Variants in GDA observed in about 807,000 individuals in gnomAD.
GDA encodes guanine deaminase.
In GDA, 18 loss-of-function variants were observed where a neutral mutation model predicts 59.6. The ratio of observed to expected loss-of-function variants is 0.30; its 90% confidence interval spans 0.21 to 0.45. The LOEUF (loss-of-function observed/expected upper bound fraction) is 0.45, where lower values mean the gene tolerates loss of function less well. Among genes scored for constraint, GDA ranks in the 20% least tolerant of loss-of-function variants. The probability of loss-of-function intolerance (pLI) is 1.00; values close to 1 mark genes in which losing one functional copy is unlikely to be tolerated. For missense variants in GDA, 427 were observed against 552.3 expected (o/e 0.77, Z 2.27); for synonymous variants, 201 against 201.1 (o/e 1.00, Z 0.00).
At chr9:72,194,578 AG>A (rs921918852) in intron 1 of GDA, among the ~76,000 whole-genome samples, 10 of 152,070 alleles carry the variant, frequency 6.6e-5, no homozygotes, top group Non-Finnish European at 1.3e-4. Context: ...GCCTGGAGTT[AG>A]GGGAGGGGTG....
At chr9:72,159,418 A>G (rs1239061847) in intron 1 of GDA, among the ~76,000 whole-genome samples, 1 of 152,136 alleles carries the variant, frequency 6.6e-6, no homozygotes, top group Non-Finnish European at 1.5e-5. Flanking sequence ...AGAAAAAAAA[A>G]TGAGTGATAG....
chr9:72,241,033 G>C (rs985446459), intron 10 of GDA, 119 bp from the exon 11 acceptor site: 8 of 600,012 alleles, frequency 1.3e-5, no homozygotes, highest in Non-Finnish European at 1.9e-5. Context: ...TTATAGTTAA[G>C]AGCTTTTTAA....
intron 1 of GDA, among the ~76,000 whole-genome samples, chr9:72,168,392 T>A (rs1829572914): frequency 1.4e-5 from 2 of 143,080 alleles, no homozygotes; most frequent in South Asian, 4.6e-4. Flanking sequence ...GACTTTGTCT[T>A]TTTTTTTTTT....
At chr9:72,169,760 T>A (rs532886392) in intron 1 of GDA, among the ~76,000 whole-genome samples, 1 of 152,326 alleles carries the variant, frequency 6.6e-6, no homozygotes, top group African/African-American at 2.4e-5. Flanking sequence ...GTCAATCTGA[T>A]AACAAACAAG....
intron 1 of GDA, among the ~76,000 whole-genome samples, chr9:72,131,298 G>A (rs546681448): frequency 1.5e-3 from 231 of 152,222 alleles, no homozygotes; most frequent in Middle Eastern, 3.4e-3. Context: ...AAATGGGCAC[G>A]GACACAGGGA....
At chr9:72,149,363 T>C, upstream of GDA, 1 of 559,786 alleles carries the variant, frequency 1.8e-6, no homozygotes, top group East Asian at 3.4e-5. Context: ...AAAAATCCTA[T>C]TGGCATTGAG....
chr9:72,151,617 T>G (rs1211710808), intron 1 of GDA, among the ~76,000 whole-genome samples: 2 of 150,902 alleles, frequency 1.3e-5, no homozygotes, highest in African/African-American at 4.9e-5. Context: ...TTTTTGTTTG[T>G]TTTTTTTTGA....
chr9:72,235,014 A>G (rs1320271140), intron 10 of GDA, among the ~76,000 whole-genome samples: 1 of 152,224 alleles, frequency 6.6e-6, no homozygotes, highest in African/African-American at 2.4e-5. Flanking sequence ...ACTTACTTGA[A>G]AATCTACATC....
In GDA at chr9:72,157,916, C is replaced by T. The variant is rs554586353; in HGVS notation, c.123+8234C>T. On this transcript the variant is annotated intron_variant, in intron 1 of 13. Transcript: ENST00000358399. ...ATGAGCCAAGGGATGTCTATCCATG[C>T]AAATTTCTCCCTGTTTTCCAGCACA... is the stretch of plus-strand genomic sequence containing the variant. Among the ~76,000 whole-genome samples the T allele has an allele frequency of 2.0e-5, 3 of 152,314 alleles. No homozygotes were observed. The South Asian group carries it at 6.2e-4, about 32-fold the overall frequency.
intron 1 of GDA, among the ~76,000 whole-genome samples, chr9:72,164,740 T>A (rs1205787699): frequency 6.6e-6 from 1 of 151,156 alleles, no homozygotes; most frequent in Non-Finnish European, 1.5e-5. Flanking sequence ...TCCCAGCACT[T>A]TGGGAGGCTG....
intron 9 of GDA, chr9:72,229,171 TAAA>T (rs34554102): frequency 7.6e-3 from 320 of 42,266 alleles, no homozygotes; most frequent in Middle Eastern, 0.026. Flanking sequence ...CAGTCTCTAC[TAAA>T]AAAAAAAAAA....
At position 72,149,542 on chromosome 9, in the gene GDA, C is replaced by T; in HGVS notation, c.-18C>T. On this transcript the variant is annotated 5_prime_UTR_variant, in exon 1 of 14. Coordinates refer to ENST00000358399, the MANE Select transcript of GDA (RefSeq NM_004293.5). ...GCCCTCCTCGACCAGCAGACCCGCGCTGCGCTCCGCCGCTGACATGTGTGC... is the reference window on the plus strand; with the variant it reads ...GCCCTCCTCGACCAGCAGACCCGCGTTGCGCTCCGCCGCTGACATGTGTGC... 2 of 1,607,892 alleles carry T rather than the reference C, an allele frequency of 1.2e-6. No homozygotes were observed. Among genetic ancestry groups the T allele is most frequent in the Non-Finnish European group, 1.7e-6 (2 of 1,178,482 alleles).
intron 10 of GDA, 95 bp downstream of exon 10, chr9:72,231,276 A>G: frequency 1.3e-6 from 1 of 763,832 alleles, no homozygotes; most frequent in Non-Finnish European, 2.3e-6. Flanking sequence ...CTGTTTAAAA[A>G]AAAAAAAAAT....
At chr9:72,143,745 A>T (rs1826525163) in intron 1 of GDA, among the ~76,000 whole-genome samples, 1 of 152,154 alleles carries the variant, frequency 6.6e-6, no homozygotes, top group Non-Finnish European at 1.5e-5. Flanking sequence ...TACTTTTCTC[A>T]TCTACAAACT....
chr9:72,190,572 A>G (rs1832411107), intron 1 of GDA, among the ~76,000 whole-genome samples: 1 of 152,178 alleles, frequency 6.6e-6, no homozygotes, highest in African/African-American at 2.4e-5. Context: ...ATTAGTAGTT[A>G]AGTTTCTGGG....
intron 1 of GDA, among the ~76,000 whole-genome samples, chr9:72,161,456 A>G (rs1828621298): frequency 6.6e-6 from 1 of 151,802 alleles, no homozygotes; most frequent in African/African-American, 2.4e-5. Context: ...TCTAATCTAG[A>G]TGCCAATGTA....
At chr9:72,138,804 G>C (rs1320235251) in intron 1 of GDA, among the ~76,000 whole-genome samples, 1 of 152,170 alleles carries the variant, frequency 6.6e-6, no homozygotes, top group Admixed American at 6.5e-5. Context: ...TATACAAGGC[G>C]CTCAACAAAT....
intron 1 of GDA, among the ~76,000 whole-genome samples, chr9:72,141,010 A>T (rs776221661): frequency 3.9e-5 from 6 of 152,156 alleles, no homozygotes; most frequent in Admixed American, 6.5e-5. Flanking sequence ...CATGTTTTTC[A>T]TTTCATAGCA....
At chr9:72,196,168 G>A (rs903201256) in intron 2 of GDA, among the ~76,000 whole-genome samples, 7 of 151,656 alleles carry the variant, frequency 4.6e-5, no homozygotes, top group African/African-American at 7.3e-5. Flanking sequence ...TTTAATATAT[G>A]TTATACAGTT....
Sources: gnomAD v4.1 joint callset for allele counts (sites outside exome capture counted in the v4.1 genomes callset) on GRCh38, gnomAD v4.1.1 for gene constraint, MANE v1.5 for transcripts, NCBI Gene and HGNC (gene_info 2026-07-23, HGNC 2026-07-21) for gene names.